ESR1: variants seen among roughly 807,000 people sequenced by gnomAD.
ESR1 encodes the protein estrogen receptor 1.
Under a neutral mutation model 52.7 loss-of-function variants are expected in ESR1, and 12 were observed. That is an observed-to-expected ratio of 0.23 (90% CI 0.15 to 0.37). ESR1 has a LOEUF of 0.37. ESR1 is among the 10% of genes least tolerant of loss of function. ESR1 has a pLI of 1.00. For synonymous variants in ESR1, 305 were observed against 316.8 expected (o/e 0.96, Z 0.39); for missense variants, 584 against 779.7 (o/e 0.75, Z 2.99).
upstream of ESR1, among the ~76,000 whole-genome samples, chr6:151,800,123 G>C (rs938399318): frequency 4.6e-5 from 7 of 152,180 alleles, no homozygotes; most frequent in Admixed American, 1.3e-4. Flanking sequence ...TTCCTAGTCA[G>C]GAAAGAGAGG....
intron 3 of ESR1, among the ~76,000 whole-genome samples, chr6:151,898,768 G>A (rs1795968101): frequency 6.6e-6 from 1 of 152,172 alleles, no homozygotes; most frequent in Non-Finnish European, 1.5e-5. Context: ...TCTTAGTACA[G>A]AACAAAATGA....
intron 6 of ESR1, among the ~76,000 whole-genome samples, chr6:152,071,920 C>G (rs1435181778): frequency 6.6e-6 from 1 of 152,188 alleles, no homozygotes; most frequent in Non-Finnish European, 1.5e-5. Context: ...TTTTAAGGCT[C>G]TTGCTACATA....
intron 5 of ESR1, among the ~76,000 whole-genome samples, chr6:152,031,703 C>T (rs2044724445): frequency 6.6e-6 from 1 of 152,174 alleles, no homozygotes; most frequent in South Asian, 2.1e-4. Flanking sequence ...CTGAATTCTA[C>T]CAGAGGTACA....
At chr6:151,714,160 T>G (rs1780843124) in intron 2 of ESR1, among the ~76,000 whole-genome samples, 1 of 152,206 alleles carries the variant, frequency 6.6e-6, no homozygotes, top group Non-Finnish European at 1.5e-5. Context: ...TTGAGTGAGT[T>G]TCTTAATCCT....
At chr6:151,704,866 G>A (rs1780062980) in intron 2 of ESR1, among the ~76,000 whole-genome samples, 1 of 151,838 alleles carries the variant, frequency 6.6e-6, no homozygotes, top group Non-Finnish European at 1.5e-5. Context: ...CATGAACTTA[G>A]GACAATAACT....
In ESR1 at chr6:151,957,924, C is replaced by T. The variant is rs769049196; in HGVS notation, c.1096+13416C>T. Among the ~76,000 whole-genome samples, 12 of 152,190 alleles carry T rather than the reference C, an allele frequency of 7.9e-5. No homozygotes were observed. The South Asian group carries it at 8.3e-4, about 11-fold the overall frequency. Reference sequence around the variant, plus strand: ...AAGGGACCCAAGCTCATCTGACCTTCGATTCCCTTATCCTGGGACAGGCTT... The same window carrying T: ...AAGGGACCCAAGCTCATCTGACCTTTGATTCCCTTATCCTGGGACAGGCTT... On this transcript the variant is annotated intron_variant, in intron 4 of 7. Transcript: ENST00000206249.
chr6:151,779,419 GA>G (rs574384955), intron 2 of ESR1, among the ~76,000 whole-genome samples: 2 of 152,044 alleles, frequency 1.3e-5, no homozygotes, highest in South Asian at 2.1e-4. Flanking sequence ...ACAAACATAT[GA>G]AAAAAACCTC....
At position 151,840,931 on chromosome 6, in the gene ESR1, C is replaced by A. The variant is rs539359782; in HGVS notation, c.453-1666C>A. 9.8e-5 allele frequency among the ~76,000 whole-genome samples: 15 copies of A among 152,290 alleles called. No homozygotes were observed. In the South Asian group the frequency reaches 2.9e-3, roughly 29 times the overall value. ...GGTACTGTGCTGGGCTCTTATTCCA[C>A]CTTTATTTGATTGCACATGCCTGCC... On this transcript the variant is annotated intron_variant, in intron 1 of 7. Coordinates refer to ENST00000206249, the MANE Select transcript of ESR1 (RefSeq NM_000125.4).
At chr6:151,691,210 CT>C (rs1421573630) in intron 1 of ESR1, among the ~76,000 whole-genome samples, 1 of 152,198 alleles carries the variant, frequency 6.6e-6, no homozygotes, top group African/African-American at 2.4e-5. Context: ...GAACGAGCCC[CT>C]CTGTCTTGAA....
intron 2 of ESR1, among the ~76,000 whole-genome samples, chr6:151,739,277 C>T (rs1856058): frequency 0.048 from 7,373 of 152,192 alleles, 604 homozygotes; most frequent in African/African-American, 0.17. Flanking sequence ...AAGCATTTAG[C>T]AAGGTCCCTG....
intron 2 of ESR1, among the ~76,000 whole-genome samples, chr6:151,721,795 G>A (rs754006607): frequency 3.0e-4 from 45 of 152,138 alleles, no homozygotes; most frequent in Admixed American, 7.9e-4. Flanking sequence ...TGGGCTTTTG[G>A]CATAGCTGTT....
chr6:152,100,131 AC>A lies in ESR1; in HGVS notation c.*1169del, dbSNP rs1325779456. ...AGCTACCTAGGAACATTCCTTGCAG[AC>A]CCCGCATTGCCCTTTGGGGGTGCCC... is the stretch of plus-strand genomic sequence containing the variant. On this transcript the variant is annotated 3_prime_UTR_variant, in exon 8 of 8. Transcript: ENST00000206249. 2.5e-6 allele frequency: 1 copy of A among 398,530 alleles called. No individual in the cohort carries two copies. The highest frequency in any genetic ancestry group is 2.1e-5 in the African/African-American group (1 of 48,604). The allele number at this position is 398,530 out of a possible 1,614,324, so 24.7% of individuals were successfully genotyped here.
chr6:152,109,544 G>A (rs543043990), intron 6 of ESR1, among the ~76,000 whole-genome samples: 116 of 152,152 alleles, frequency 7.6e-4, no homozygotes, highest in African/African-American at 2.7e-3. Context: ...AAATTACCTG[G>A]GTGTGGTGGT....
chr6:151,747,941 G>C (rs1466527681), intron 2 of ESR1, among the ~76,000 whole-genome samples: 1 of 152,144 alleles, frequency 6.6e-6, no homozygotes, highest in Non-Finnish European at 1.5e-5. Flanking sequence ...TGCTATGAAC[G>C]TTTGTGTGTG....
intron 6 of ESR1, among the ~76,000 whole-genome samples, chr6:152,086,981 T>A (rs908204216): frequency 8.5e-5 from 13 of 152,208 alleles, no homozygotes; most frequent in African/African-American, 3.1e-4. Flanking sequence ...AATCTCTTTA[T>A]TCAACTCACG....
intron 2 of ESR1, among the ~76,000 whole-genome samples, chr6:151,773,745 T>C (rs1181000106): frequency 6.6e-6 from 1 of 152,182 alleles, no homozygotes; most frequent in African/African-American, 2.4e-5. Flanking sequence ...CTGCTTGTTG[T>C]AGAGTAAAGA....
intron 5 of ESR1, among the ~76,000 whole-genome samples, chr6:152,030,207 C>T (rs541440074): frequency 3.3e-5 from 5 of 152,264 alleles, no homozygotes; most frequent in Admixed American, 6.5e-5. Context: ...GAAAGACCAT[C>T]GAGGCTAGGA....
intron 2 of ESR1, among the ~76,000 whole-genome samples, chr6:151,846,725 G>A (rs1463138180): frequency 5.3e-5 from 8 of 152,150 alleles, no homozygotes; most frequent in South Asian, 4.1e-4. Context: ...CCAGTGAAAC[G>A]CATTCTTTTT....
In ESR1 at chr6:151,713,342, G is replaced by A. The variant is rs150993388; in HGVS notation, c.-71+11337G>A. On this transcript the variant is annotated intron_variant, in intron 2 of 2. Transcript: ENST00000404742. ...TGCCAAGTTTTGGTATCAGGATGATGCTGGCCTCATAAAATGAGTTAGGGA... is the reference window on the plus strand; with the variant it reads ...TGCCAAGTTTTGGTATCAGGATGATACTGGCCTCATAAAATGAGTTAGGGA... 2.0e-4 allele frequency among the ~76,000 whole-genome samples: 30 copies of A among 152,298 alleles called. No homozygotes were observed. The East Asian group carries it at 4.6e-3, about 24-fold the overall frequency.
Sources: gnomAD v4.1 joint callset for allele counts (sites outside exome capture counted in the v4.1 genomes callset) on GRCh38, gnomAD v4.1.1 for gene constraint, MANE v1.5 for transcripts, NCBI Gene and HGNC (gene_info 2026-07-23, HGNC 2026-07-21) for gene names.